TMEM236: variants seen among roughly 807,000 people sequenced by gnomAD.
TMEM236 encodes family with sequence similarity 23, member A.
TMEM236 carries 11 observed loss-of-function variants against 14.7 expected under a neutral mutation model. The observed-to-expected ratio is 0.75, with a 90% CI of 0.47 to 1.24. The LOEUF is 1.24. Ranked by LOEUF, TMEM236 falls within the 50% of genes most tolerant of loss-of-function variation. The pLI, the probability that TMEM236 is intolerant of heterozygous loss-of-function variation, is 0.00. For missense variants in TMEM236, 464 were observed against 427.3 expected (o/e 1.09, Z -0.76); for synonymous variants, 182 against 168.6 (o/e 1.08, Z -0.62).
chr10:17,786,781 T>G (rs1837844027), intron 3 of TMEM236, among the ~76,000 whole-genome samples: 1 of 152,186 alleles, frequency 6.6e-6, no homozygotes, highest in South Asian at 2.1e-4. Context: ...AAATCTCAAC[T>G]TGAATTGTAT....
At chr10:17,762,586 T>TATATATATATATATATATATATATACAC (rs1837384659) in intron 1 of TMEM236, among the ~76,000 whole-genome samples, 1 of 64,042 alleles carries the variant, frequency 1.6e-5, no homozygotes, top group African/African-American at 1.2e-4. Context: ...TATATATATA[T>TATATATATATATATATATATATATACAC]ATATATATAT....
Position 17,775,988 on chromosome 10 carries a change from G to A in TMEM236, c.331-41G>A. The A allele has an allele frequency of 3.7e-6, 6 of 1,612,116 alleles. No individual in the cohort carries two copies. In the South Asian group the frequency reaches 4.4e-5, roughly 12 times the overall value. ...ATTGAAAGCATTTTGAGCAAAGAAA[G>A]CACAATAATTTAATGCTTGTAAATG... On this transcript the variant is annotated intron_variant, in intron 2 of 3. Coordinates refer to ENST00000377495, the MANE Select transcript of TMEM236 (RefSeq NM_001098844.3).
chr10:17,792,298 G>A (rs1189039325), intron 3 of TMEM236, among the ~76,000 whole-genome samples: 1 of 152,214 alleles, frequency 6.6e-6, no homozygotes, highest in Non-Finnish European at 1.5e-5. Context: ...ACGTTAGCCA[G>A]GTTGATCTGG....
At chr10:17,779,228 G>A (rs1438126612) in intron 3 of TMEM236, among the ~76,000 whole-genome samples, 5 of 151,984 alleles carry the variant, frequency 3.3e-5, no homozygotes, top group African/African-American at 4.8e-5. Flanking sequence ...CCATTTTTAC[G>A]GAGAGATAGA....
intron 3 of TMEM236, among the ~76,000 whole-genome samples, chr10:17,786,955 C>G (rs1554835746): frequency 1.3e-5 from 2 of 152,286 alleles, no homozygotes; most frequent in East Asian, 3.9e-4. Flanking sequence ...GCTTTTGCAT[C>G]TTCTTCATTC....
intron 1 of TMEM236, among the ~76,000 whole-genome samples, chr10:17,761,321 G>A (rs1185066098): frequency 6.6e-6 from 1 of 152,026 alleles, no homozygotes; most frequent in Non-Finnish European, 1.5e-5. Context: ...TCACCCACTG[G>A]TCTTCTTGCC....
intron 3 of TMEM236, among the ~76,000 whole-genome samples, chr10:17,781,618 C>A (rs1050094838): frequency 6.6e-6 from 1 of 151,732 alleles, no homozygotes; most frequent in Admixed American, 6.6e-5. Context: ...TGGTGGCATG[C>A]GCCTGTAATA....
chr10:17,753,982 G>T (rs987448403), intron 1 of TMEM236, among the ~76,000 whole-genome samples: 1 of 152,204 alleles, frequency 6.6e-6, no homozygotes, highest in Non-Finnish European at 1.5e-5. Flanking sequence ...TTCTGTGAAT[G>T]TATGGATATT....
chr10:17,792,495 G>A (rs902463394), intron 3 of TMEM236, among the ~76,000 whole-genome samples: 16 of 152,142 alleles, frequency 1.1e-4, no homozygotes, highest in Admixed American at 2.6e-4. Flanking sequence ...TTTGTTTTAC[G>A]TTAGGTGTTA....
intron 3 of TMEM236, among the ~76,000 whole-genome samples, chr10:17,784,657 T>C (rs948190748): frequency 2.0e-5 from 3 of 152,198 alleles, no homozygotes; most frequent in South Asian, 2.1e-4. Context: ...TTTTTAAAAT[T>C]AGTGATTCCC....
chr10:17,763,693 G>A lies in TMEM236; in HGVS notation c.258-7616G>A, dbSNP rs995398498. ...GTGTGGGAGGGCATCCAGAGGAGGA[G>A]GATGAGTATGAGGAATGAGTTGATA... On this transcript the variant is annotated intron_variant, in intron 1 of 3. Coordinates refer to ENST00000377495, the MANE Select transcript of TMEM236 (RefSeq NM_001098844.3). Among the ~76,000 whole-genome samples the A allele has an allele frequency of 6.9e-3, 1,043 of 152,244 alleles. 9 individuals carry two copies. Among genetic ancestry groups the A allele is most frequent in the African/African-American group, 0.024 (995 of 41,540 alleles).
intron 3 of TMEM236, among the ~76,000 whole-genome samples, chr10:17,792,358 G>A (rs981625659): frequency 6.6e-6 from 1 of 152,174 alleles, no homozygotes; most frequent in Non-Finnish European, 1.5e-5. Flanking sequence ...AAAGTGCTGG[G>A]ATTACAGGCG....
chr10:17,781,458 C>G (rs932555849), intron 3 of TMEM236, among the ~76,000 whole-genome samples: 1 of 152,078 alleles, frequency 6.6e-6, no homozygotes, highest in African/African-American at 2.4e-5. Context: ...TTGCATGCAG[C>G]CCGGCGTGGT....
chr10:17,798,118 C>G lies in TMEM236; in HGVS notation c.*1614C>G, dbSNP rs1251922354. On this transcript the variant is annotated 3_prime_UTR_variant, in exon 4 of 4. Transcript: ENST00000377495. ...GCACTGTTCATTTGATAGTAATTTT[C>G]AGATGCTAGAGAGATTTGTGAGAGG... 3 of 187,164 alleles carry G rather than the reference C, an allele frequency of 1.6e-5. No individual in the cohort carries two copies. The highest frequency in any genetic ancestry group is 3.4e-5 in the Non-Finnish European group (3 of 89,310). 11.6% of individuals were successfully genotyped at this position (187,164 alleles called of 1,614,324 possible).
At chr10:17,783,447 G>A (rs1390703040) in intron 3 of TMEM236, among the ~76,000 whole-genome samples, 4 of 152,172 alleles carry the variant, frequency 2.6e-5, no homozygotes, top group South Asian at 4.1e-4. Context: ...TCACATCAGC[G>A]AGAGGTGCCC....
In TMEM236 at chr10:17,776,057, A is replaced by G. The variant is rs888271639; in HGVS notation, c.359A>G (p.Asp120Gly). Residue 120 changes from aspartate (D) to glycine (G), a missense_variant, in exon 3 of 4, where the codon GAT (aspartate) becomes GGT (glycine). Physicochemically the swap from Asp to Gly is moderately conservative, Grantham distance 94. Transcript: ENST00000377495. ...EVQKSINGSA[D>G]VLPDMLPDLP... ...CAAAAGAGCATTAATGGGTCCGCTG[A>G]TGTCTTACCTGATATGTTACCTGAC... 7.4e-6 allele frequency: 12 copies of G among 1,613,754 alleles called. No individual in the cohort carries two copies. The highest frequency in any genetic ancestry group is 1.3e-5 in the African/African-American group (1 of 74,910).
intron 1 of TMEM236, among the ~76,000 whole-genome samples, chr10:17,764,641 G>A (rs2131744423): frequency 6.6e-6 from 1 of 152,238 alleles, no homozygotes; most frequent in East Asian, 1.9e-4. Flanking sequence ...CTGACGGCAA[G>A]GTTGGTTCCT....
intron 2 of TMEM236, 132 bp from the exon 3 acceptor site, chr10:17,775,897 T>C: frequency 1.6e-6 from 2 of 1,224,686 alleles, no homozygotes; most frequent in Non-Finnish European, 2.4e-6. Context: ...ACCTGATGAG[T>C]TAAAAACCAA....
chr10:17,789,669 C>G (rs1554835922), intron 3 of TMEM236, among the ~76,000 whole-genome samples: 1 of 152,042 alleles, frequency 6.6e-6, no homozygotes, highest in Non-Finnish European at 1.5e-5. Context: ...TCGCTTGAGG[C>G]CAGGTGTTCA....
Sources: allele counts gnomAD v4.1 joint callset (sites outside exome capture counted in the v4.1 genomes callset), GRCh38; gene constraint gnomAD v4.1.1; transcripts MANE v1.5; gene names NCBI Gene and HGNC (gene_info 2026-07-23, HGNC 2026-07-21).